The following GRID2 variants were observed in gnomAD, a reference collection of about 807,000 sequenced individuals.
GRID2 encodes the protein glutamate receptor ionotropic, delta-2.
In GRID2, 33 loss-of-function variants were observed where a neutral mutation model predicts 114.8. That is an observed-to-expected ratio of 0.29 (90% CI 0.22 to 0.38). The LOEUF (loss-of-function observed/expected upper bound fraction) is 0.38, where lower values mean the gene tolerates loss of function less well. GRID2 is among the 10% of genes least tolerant of loss of function. The pLI, the probability that GRID2 is intolerant of heterozygous loss-of-function variation, is 1.00. For missense variants in GRID2, 1,184 were observed against 1,257.7 expected, an observed-to-expected ratio of 0.94 and a Z score of 0.89; for synonymous variants, 505 against 449.9, an observed-to-expected ratio of 1.12 and a Z score of -1.55.
intron 4 of GRID2, among the ~76,000 whole-genome samples, chr4:93,130,034 G>C (rs1042448876): frequency 6.6e-6 from 1 of 152,170 alleles, no homozygotes; most frequent in Admixed American, 6.5e-5. Context: ...GACATAGAAT[G>C]ACATAGCTGA....
rs1353456848 is a variant in GRID2 at position 93,332,295 on chromosome 4, T to TGAGAGAGAGA, written c.1246-63311_1246-63310insAGAGAGAGAG. 5.2e-3 allele frequency among the ~76,000 whole-genome samples: 671 copies of TGAGAGAGAGA among 128,910 alleles called. 6 individuals carry two copies. Among genetic ancestry groups the TGAGAGAGAGA allele is most frequent in the South Asian group, 0.024 (89 of 3,726 alleles). The allele number at this position is 128,910 out of a possible 152,430, so 84.6% of individuals were successfully genotyped here. ...GTGTGTGTGTGTGTGTGTGTGTGTG[T>TGAGAGAGAGA]GTGTGAGAGAGAGAGAGAGAGAGAG... is the stretch of plus-strand genomic sequence containing the variant. On this transcript the variant is annotated intron_variant, in intron 8 of 15. Transcript: ENST00000282020.
At chr4:93,327,798 G>C (rs962760684) in intron 8 of GRID2, among the ~76,000 whole-genome samples, 1 of 151,990 alleles carries the variant, frequency 6.6e-6, no homozygotes, top group African/African-American at 2.4e-5. Context: ...ACATTGTTCT[G>C]GTGGTGGTAG....
intron 2 of GRID2, among the ~76,000 whole-genome samples, chr4:92,693,144 C>G (rs557423520): frequency 3.3e-5 from 5 of 151,780 alleles, no homozygotes; most frequent in African/African-American, 1.2e-4. Flanking sequence ...AATCTTTCCC[C>G]CTTTATGCTT....
chr4:93,499,298 C>A (rs528122477), intron 12 of GRID2, among the ~76,000 whole-genome samples: 70 of 151,882 alleles, frequency 4.6e-4, no homozygotes, highest in Non-Finnish European at 8.0e-4. Flanking sequence ...CCATTCTCTT[C>A]CCAATAGAGT....
At chr4:92,792,657 G>C (rs559261320) in intron 2 of GRID2, among the ~76,000 whole-genome samples, 1 of 151,898 alleles carries the variant, frequency 6.6e-6, no homozygotes, top group African/African-American at 2.4e-5. Context: ...GAAAACTTTA[G>C]TGAAAACAAA....
At chr4:92,980,832 T>C (rs891585061) in intron 2 of GRID2, among the ~76,000 whole-genome samples, 1 of 152,124 alleles carries the variant, frequency 6.6e-6, no homozygotes, top group East Asian at 1.9e-4. Flanking sequence ...ATGAATAATA[T>C]GGGTTTGAAA....
chr4:92,609,043 C>A (rs1299108572), intron 2 of GRID2, among the ~76,000 whole-genome samples: 1 of 151,704 alleles, frequency 6.6e-6, no homozygotes, highest in Admixed American at 6.6e-5. Context: ...ATACAAAGTA[C>A]AGTAAGTTAT....
chr4:92,959,273 A>G (rs898484378), intron 2 of GRID2, among the ~76,000 whole-genome samples: 2 of 151,690 alleles, frequency 1.3e-5, no homozygotes, highest in African/African-American at 4.8e-5. Context: ...GTTTCCTAAG[A>G]TGAAAACTTA....
chr4:92,569,744 T>G (rs1376510297), intron 1 of GRID2, among the ~76,000 whole-genome samples: 1 of 152,114 alleles, frequency 6.6e-6, no homozygotes, highest in Admixed American at 6.6e-5. Flanking sequence ...TTTTTCATGT[T>G]TTTTGGCTAC....
intron 1 of GRID2, among the ~76,000 whole-genome samples, chr4:92,406,003 G>A (rs1731010838): frequency 6.6e-6 from 1 of 152,102 alleles, no homozygotes; most frequent in South Asian, 2.1e-4. Context: ...AATGTTCAAG[G>A]GCAGGAAGTA....
At chr4:92,775,751 A>C (rs180687120) in intron 2 of GRID2, among the ~76,000 whole-genome samples, 1 of 152,104 alleles carries the variant, frequency 6.6e-6, no homozygotes, top group Non-Finnish European at 1.5e-5. Flanking sequence ...GAACCAGCAA[A>C]TAGGTTTAGT....
intron 2 of GRID2, among the ~76,000 whole-genome samples, chr4:92,734,929 C>T (rs186390804): frequency 1.3e-5 from 2 of 151,644 alleles, no homozygotes; most frequent in African/African-American, 2.4e-5. Context: ...CAGGCATGTA[C>T]GATCACATCC....
intron 8 of GRID2, chr4:93,319,639 T>C (rs974907056): frequency 3.3e-5 from 5 of 151,910 alleles, no homozygotes; most frequent in Non-Finnish European, 5.9e-5. Flanking sequence ...CTCTGACTAG[T>C]AGAGGAGGAA....
At chr4:93,136,824 A>T (rs185143222) in intron 4 of GRID2, among the ~76,000 whole-genome samples, 1 of 152,290 alleles carries the variant, frequency 6.6e-6, no homozygotes, top group Admixed American at 6.5e-5. Context: ...TCAGGGAGAT[A>T]AAAGGAACAA....
At chr4:93,337,296 A>G (rs1224465719) in intron 8 of GRID2, among the ~76,000 whole-genome samples, 1 of 152,206 alleles carries the variant, frequency 6.6e-6, no homozygotes, top group African/African-American at 2.4e-5. Flanking sequence ...AGTTTCATAA[A>G]TAATGCCAAG....
At chr4:92,437,858 G>C (rs945114650) in intron 1 of GRID2, among the ~76,000 whole-genome samples, 1 of 152,098 alleles carries the variant, frequency 6.6e-6, no homozygotes, top group Non-Finnish European at 1.5e-5. Context: ...AAACAAAATT[G>C]CTTAGATGTT....
chr4:93,465,981 G>A (rs1407966289), intron 11 of GRID2, among the ~76,000 whole-genome samples: 1 of 152,168 alleles, frequency 6.6e-6, no homozygotes, highest in African/African-American at 2.4e-5. Context: ...GGAATTATAA[G>A]TTGTGATTCA....
intron 1 of GRID2, among the ~76,000 whole-genome samples, chr4:92,541,592 A>T (rs1725958195): frequency 6.6e-6 from 1 of 152,110 alleles, no homozygotes; most frequent in South Asian, 2.1e-4. Flanking sequence ...GAGGATTAAT[A>T]CATGGGGATA....
intron 2 of GRID2, among the ~76,000 whole-genome samples, chr4:92,656,472 TAAAAA>T (rs370868206): frequency 6.9e-6 from 1 of 145,248 alleles, no homozygotes; most frequent in African/African-American, 2.5e-5. Context: ...AAAGAAAAAT[TAAAAA>T]AAAAAACACT....
Sources: gnomAD v4.1 joint callset for allele counts (sites outside exome capture counted in the v4.1 genomes callset) on GRCh38, gnomAD v4.1.1 for gene constraint, MANE v1.5 for transcripts, NCBI Gene and HGNC (gene_info 2026-07-23, HGNC 2026-07-21) for gene names.